The following KIF14 variants were observed in gnomAD, a reference collection of about 807,000 sequenced individuals.
KIF14 encodes the protein kinesin-like protein KIF14.
KIF14 carries 98 observed loss-of-function variants against 176.2 expected under a neutral mutation model. The ratio of observed to expected loss-of-function variants is 0.56; its 90% CI spans 0.47 to 0.66. The LOEUF (loss-of-function observed/expected upper bound fraction) is 0.66. Among genes scored for constraint, KIF14 ranks in the 30% least tolerant of loss-of-function variants. The probability of loss-of-function intolerance (pLI) is 0.00; values close to 1 mark genes in which losing one functional copy is unlikely to be tolerated. For missense variants in KIF14, 1,751 were observed against 1,920.4 expected, an observed-to-expected ratio of 0.91 and a Z score of 1.65; for synonymous variants, 566 against 632.2, an observed-to-expected ratio of 0.90 and a Z score of 1.57.
intron 2 of KIF14, 75 bp from the exon 3 acceptor site, chr1:200,615,684 T>A: frequency 8.1e-7 from 1 of 1,241,062 alleles, no homozygotes. Flanking sequence ...ACATAATAAA[T>A]ACCTCAAAAC....
chr1:200,609,052 G>A, intron 4 of KIF14, 124 bp from the exon 5 acceptor site: 2 of 495,098 alleles, frequency 4.0e-6, no homozygotes, highest in Non-Finnish European at 7.1e-6. Flanking sequence ...ACAACATAAA[G>A]ACAAACAGCC....
chr1:200,617,725 T>C lies in KIF14; in HGVS notation c.999A>G (p.Thr333=). 6.2e-7 allele frequency: 1 copy of C among 1,614,208 alleles called. No homozygotes were observed. The highest frequency in any genetic ancestry group is 8.5e-7 in the Non-Finnish European group (1 of 1,180,040). ...ANKQERSAEN[T]ILPEEETVVQ... ...CTACAGTTTCTTCTTCGGGAAGAAT[T>C]GTATTTTCTGCGGATCTTTCCTGTT... Residue 333 remains threonine, a synonymous_variant, in exon 2 of 30, where the codon ACA becomes ACG. Transcript: ENST00000367350.
chr1:200,586,619 G>GT (rs1362048519), intron 18 of KIF14, among the ~76,000 whole-genome samples: 1 of 148,994 alleles, frequency 6.7e-6, no homozygotes, highest in Admixed American at 6.7e-5. Context: ...ATTGATAGAA[G>GT]TTAAAAAAAA....
intron 14 of KIF14, among the ~76,000 whole-genome samples, chr1:200,596,561 CTTTTTTTTTTT>C (rs60386347): frequency 9.7e-6 from 1 of 102,730 alleles, no homozygotes; most frequent in Non-Finnish European, 1.8e-5. Context: ...GTACAACAGT[CTTTTTTTTTTT>C]TTTTTTTTTT....
rs762454737 is a variant in KIF14, at chr1:200,617,862, T to C, written c.862A>G (p.Thr288Ala). ...PTKCTTEHKLTTKCSLPQLKS... is the reference protein window; with the variant it reads ...PTKCTTEHKLATKCSLPQLKS... ...AGCTGAGGCAGGCTGCACTTTGTTG[T>C]CAGTTTGTGTTCTGTTGTACATTTT... The change falls in exon 2 of 30, where the codon ACA becomes GCA. Residue 288 changes from threonine (T) to alanine (A), a missense_variant. Coordinates refer to ENST00000367350, the MANE Select transcript of KIF14 (RefSeq NM_014875.3). 6.2e-7 allele frequency: 1 copy of C among 1,614,206 alleles called. No homozygotes were observed. Among genetic ancestry groups the C allele is most frequent in the South Asian group, 1.1e-5 (1 of 91,088 alleles).
chr1:200,571,992 C>T (rs561973799), intron 22 of KIF14, among the ~76,000 whole-genome samples: 2 of 152,228 alleles, frequency 1.3e-5, no homozygotes, highest in South Asian at 2.1e-4. Context: ...TATTGCAGAA[C>T]GACTGTGGCA....
intron 22 of KIF14, among the ~76,000 whole-genome samples, chr1:200,575,129 T>C (rs989350935): frequency 6.6e-6 from 1 of 151,866 alleles, no homozygotes; most frequent in Non-Finnish European, 1.5e-5. Context: ...GCTAATTTTT[T>C]GTATTTTTGG....
intron 4 of KIF14, among the ~76,000 whole-genome samples, chr1:200,609,702 A>G (rs747296344): frequency 5.9e-5 from 9 of 152,226 alleles, no homozygotes; most frequent in Non-Finnish European, 1.0e-4. Flanking sequence ...CTATACATCC[A>G]AAACAATTGA....
chr1:200,573,883 A>C (rs1254462528), intron 22 of KIF14, among the ~76,000 whole-genome samples: 1 of 152,224 alleles, frequency 6.6e-6, no homozygotes, highest in African/African-American at 2.4e-5. Context: ...GAAAACAAAA[A>C]ACAATTAGCT....
At chr1:200,604,885 T>C (rs1659796060) in intron 8 of KIF14, among the ~76,000 whole-genome samples, 1 of 152,066 alleles carries the variant, frequency 6.6e-6, no homozygotes, top group African/African-American at 2.4e-5. Context: ...ATAATTACTA[T>C]ATATGAAAAT....
Position 200,559,329 on chromosome 1 carries a change from C to T in KIF14, c.4353+1G>A. 1 of 1,547,732 alleles carries T rather than the reference C, an allele frequency of 6.5e-7. No homozygotes were observed. The highest frequency in any genetic ancestry group is 1.3e-5 in the South Asian group (1 of 79,076). ...ACAGAATATTCTTTTATTCATCTTA[C>T]CTCATTTTTTGTACACTGCCTAAAG... On this transcript the variant is annotated splice_donor_variant, in intron 27 of 29. Transcript: ENST00000367350. LOFTEE classifies it high-confidence loss of function.
chr1:200,598,344 C>T lies in KIF14; in HGVS notation c.2442G>A (p.Glu814=). The change falls in exon 14 of 30, where the codon GAG becomes GAA. Residue 814 remains glutamate (E), a synonymous_variant. Coordinates refer to ENST00000367350, the MANE Select transcript of KIF14 (RefSeq NM_014875.3). The part of the protein sequence containing the change: ...VNLNEDPQLS[E]MLLYMIKEGT... ...CTTCTTTTATCATATATAGCAGCAT[C>T]TCAGATAGTTGTGGATCTTCATTCA... is the stretch of plus-strand genomic sequence containing the variant. The T allele has an allele frequency of 1.2e-6, 2 of 1,613,092 alleles. No individual in the cohort carries two copies. The highest frequency in any genetic ancestry group is 1.7e-6 in the Non-Finnish European group (2 of 1,179,512).
intron 23 of KIF14, among the ~76,000 whole-genome samples, chr1:200,567,246 G>C (rs1231636273): frequency 6.8e-6 from 1 of 146,844 alleles, no homozygotes. Flanking sequence ...CTACAATCAA[G>C]ATAGGCTAAA....
Position 200,603,443 on chromosome 1 carries a change from C to T in KIF14, c.1864-102G>A, listed in dbSNP as rs554477284. On this transcript the variant is annotated intron_variant, in intron 9 of 29. Coordinates refer to ENST00000367350, the MANE Select transcript of KIF14 (RefSeq NM_014875.3). ...CCCTCATATAATTACTGAGTAAATA[C>T]TTTTTTACTTTCTTTTTTTTTGAGA... The T allele has an allele frequency of 3.9e-5, 25 of 636,328 alleles. No homozygotes were observed. In the South Asian group the frequency reaches 4.8e-4, roughly 12 times the overall value. 39.4% of individuals were successfully genotyped at this position (636,328 alleles called of 1,614,324 possible). A position where few individuals can be genotyped will look rare whatever the true frequency, so the allele number is the denominator to read the frequency against.
At chr1:200,553,802 C>G in intron 29 of KIF14, 35 bp from the exon 30 acceptor site, 1 of 1,536,304 alleles carries the variant, frequency 6.5e-7, no homozygotes, top group South Asian at 1.3e-5. Flanking sequence ...GTTAATTAGC[C>G]TTTTCAGTTT....
At chr1:200,567,936 C>T (rs529399730) in intron 23 of KIF14, among the ~76,000 whole-genome samples, 7 of 151,806 alleles carry the variant, frequency 4.6e-5, no homozygotes, top group African/African-American at 1.7e-4. Context: ...GTAGAGTCAT[C>T]GAGAAGAGTT....
rs1448105496 is a variant in KIF14, at chr1:200,555,377, T to TA, written c.4428+2dup. The TA allele has an allele frequency of 6.5e-7, 1 of 1,541,006 alleles. No individual in the cohort carries two copies. The highest frequency in any genetic ancestry group is 2.0e-5 in the Admixed American group (1 of 50,766). Reference sequence around the variant, plus strand: ...ATTAAAATCAATTTAAAGCTTCTCTTACAATTTTCGATTCAGCAAAGATGT... The same window carrying TA: ...ATTAAAATCAATTTAAAGCTTCTCTTAACAATTTTCGATTCAGCAAAGATGT... On this transcript the variant is annotated splice_region_variant and intron_variant, in intron 28 of 29. Coordinates refer to ENST00000367350, the MANE Select transcript of KIF14 (RefSeq NM_014875.3).
chr1:200,600,621 T>A (rs1241713661), intron 11 of KIF14, 118 bp from the exon 12 acceptor site: 3 of 685,338 alleles, frequency 4.4e-6, no homozygotes, highest in Admixed American at 5.7e-5. Context: ...TATTACTAAA[T>A]AAAATAGAAT....
chr1:200,583,349 G>A (rs1488951320), intron 19 of KIF14, among the ~76,000 whole-genome samples: 1 of 151,796 alleles, frequency 6.6e-6, no homozygotes, highest in Non-Finnish European at 1.5e-5. Flanking sequence ...AGAGAGAGAG[G>A]GAGAGCAAAA....
Sources: gnomAD v4.1 joint callset for allele counts (sites outside exome capture counted in the v4.1 genomes callset) on GRCh38, gnomAD v4.1.1 for gene constraint, MANE v1.5 for transcripts, NCBI Gene and HGNC (gene_info 2026-07-23, HGNC 2026-07-21) for gene names.